The following CHM variants were observed in gnomAD, a reference collection of about 807,000 sequenced individuals.
The protein encoded by CHM is rab proteins geranylgeranyltransferase component A 1.
Under a neutral mutation model 49.0 loss-of-function variants are expected in CHM, and 10 were observed. The ratio of observed to expected loss-of-function variants is 0.20; its 90% CI spans 0.13 to 0.35. The LOEUF (loss-of-function observed/expected upper bound fraction) is 0.35, where lower values mean the gene tolerates loss of function less well. CHM is among the 10% of genes least tolerant of loss of function. CHM has a pLI of 1.00. For missense variants in CHM, 455 were observed against 478.4 expected (o/e 0.95, Z 0.46); for synonymous variants, 184 against 167.5 (o/e 1.10, Z -0.76).
chrX:85,915,104 C>T (rs998258108), intron 8 of CHM, among the ~76,000 whole-genome samples: 3 of 111,242 alleles, frequency 2.7e-5, no homozygotes, highest in Admixed American at 9.6e-5. Context: ...CTCACACAGA[C>T]GAGAAAGAAC....
chrX:85,926,349 A>G (rs1240110782), intron 8 of CHM, among the ~76,000 whole-genome samples: 1 of 111,270 alleles, frequency 9.0e-6, no homozygotes, highest in East Asian at 2.8e-4. Context: ...TGGAAATTCA[A>G]ATGTTCACTG....
rs1382009835 is a variant in CHM, at chrX:85,971,825, ATTAG to A, written c.314+6938_314+6941del. On this transcript the variant is annotated intron_variant, in intron 4 of 14. Transcript: ENST00000357749. ...TAAAGGTTCTCCACATCCCCATCAGATTAGTTAGATACAGAGTATAGATACAAAG... is the reference window on the plus strand; with the variant it reads ...TAAAGGTTCTCCACATCCCCATCAGATTAGATACAGAGTATAGATACAAAG... Among the ~76,000 whole-genome samples the A allele has an allele frequency of 2.7e-5, 3 of 111,192 alleles. No individual in the cohort carries two copies. The Admixed American group carries it at 2.8e-4, about 11-fold the overall frequency.
intron 2 of CHM, among the ~76,000 whole-genome samples, chrX:86,020,816 G>A (rs1193554540): frequency 9.9e-6 from 1 of 101,207 alleles, no homozygotes; most frequent in Non-Finnish European, 2.0e-5. Context: ...AGCAGTAGAT[G>A]CTCTTATATA....
intron 14 of CHM, among the ~76,000 whole-genome samples, chrX:85,871,304 C>CAAAAAAAAAA (rs150005971): frequency 9.7e-5 from 6 of 62,069 alleles, no homozygotes; most frequent in East Asian, 5.6e-4. Context: ...AAGACTGTCT[C>CAAAAAAAAAA]AAAAAAAAAA....
chrX:85,989,927 T>C (rs1932099235), intron 2 of CHM, among the ~76,000 whole-genome samples: 1 of 111,973 alleles, frequency 8.9e-6, no homozygotes, highest in Non-Finnish European at 1.9e-5. Context: ...GAAAGCATTA[T>C]GGCAATTCTT....
intron 1 of CHM, among the ~76,000 whole-genome samples, chrX:86,039,384 T>A (rs2147807840): frequency 9.1e-6 from 1 of 110,418 alleles, no homozygotes; most frequent in Non-Finnish European, 1.9e-5. Flanking sequence ...TAAATAAGAC[T>A]AGTTTAACAA....
intron 12 of CHM, among the ~76,000 whole-genome samples, chrX:85,881,955 A>C: frequency 8.9e-6 from 1 of 112,348 alleles, no homozygotes. Flanking sequence ...AGTTTCAAAA[A>C]AATTCTATTT....
chrX:85,971,263 C>T lies in CHM; in HGVS notation c.315-7211G>A, dbSNP rs1044305352. The T allele has an allele frequency of 6.6e-6, 5 of 753,323 alleles. No homozygotes were observed. In the African/African-American group the frequency reaches 6.9e-5, roughly 10 times the overall value. 62.1% of individuals were successfully genotyped at this position (753,323 alleles called of 1,213,427 possible). A position where few individuals can be genotyped will look rare whatever the true frequency, so the allele number is the denominator to read the frequency against. On this transcript the variant is annotated intron_variant, in intron 4 of 14. Coordinates refer to ENST00000357749, the MANE Select transcript of CHM (RefSeq NM_000390.4). ...AATATTAGAATGCTATCGGTGTGTC[C>T]GGAATTGGTGGGTTCTTGGTCTCAC...
At chrX:85,912,621 A>T (rs996381986) in intron 8 of CHM, among the ~76,000 whole-genome samples, 3 of 111,548 alleles carry the variant, frequency 2.7e-5, no homozygotes, top group African/African-American at 9.8e-5. Flanking sequence ...ATATATTACC[A>T]TATCTGGCAA....
chrX:86,000,269 G>GAAAAAAAAAAAAAAAAAAAAA (rs11299180), intron 2 of CHM, among the ~76,000 whole-genome samples: 1 of 72,664 alleles, frequency 1.4e-5, no homozygotes, highest in Non-Finnish European at 2.7e-5. Flanking sequence ...AAGTCTTCCT[G>GAAAAAAAAAAAAAAAAAAAAA]AAAAAAAAAA....
chrX:85,894,579 A>G (rs753752483), intron 11 of CHM, among the ~76,000 whole-genome samples: 69 of 111,611 alleles, frequency 6.2e-4, no homozygotes, highest in African/African-American at 2.2e-3. Context: ...TCTAAATTCC[A>G]AAATACTCCA....
chrX:85,884,960 G>A (rs1034339131), intron 12 of CHM, among the ~76,000 whole-genome samples: 2 of 110,188 alleles, frequency 1.8e-5, no homozygotes, highest in Non-Finnish European at 3.8e-5. Flanking sequence ...TATATTATAC[G>A]CCACTGTGAC....
intron 2 of CHM, among the ~76,000 whole-genome samples, chrX:85,997,251 C>T (rs1246392495): frequency 9.0e-6 from 1 of 111,114 alleles, no homozygotes; most frequent in African/African-American, 3.3e-5. Context: ...AGTAGTACTC[C>T]CCTTTTGCCT....
chrX:85,972,751 CCCTG>C (rs1330863401), intron 4 of CHM, among the ~76,000 whole-genome samples: 2 of 112,206 alleles, frequency 1.8e-5, no homozygotes, highest in Non-Finnish European at 3.8e-5. Context: ...CTCGACACCT[CCCTG>C]CAAGCTGAGG....
chrX:85,977,975 T>C (rs1239236476), intron 4 of CHM, among the ~76,000 whole-genome samples: 1 of 112,033 alleles, frequency 8.9e-6, no homozygotes, highest in East Asian at 2.8e-4. Context: ...ACAAAGCGTA[T>C]CCTGAAGAAT....
chrX:85,975,849 A>G (rs1931225574), intron 4 of CHM, among the ~76,000 whole-genome samples: 2 of 112,303 alleles, frequency 1.8e-5, no homozygotes, highest in African/African-American at 6.5e-5. Flanking sequence ...TCACTAACAC[A>G]TATGTTTCAA....
chrX:85,995,260 TAAAAAAAAAAAAA>T (rs55742394), intron 2 of CHM, among the ~76,000 whole-genome samples: 50 of 46,811 alleles, frequency 1.1e-3, no homozygotes, highest in African/African-American at 3.7e-3. Context: ...CCTTATTACT[TAAAAAAAAAAAAA>T]AAAAAAAAAA....
At chrX:85,868,077 C>A (rs916424916) in intron 14 of CHM, among the ~76,000 whole-genome samples, 1 of 109,311 alleles carries the variant, frequency 9.1e-6, no homozygotes, top group Non-Finnish European at 1.9e-5. Flanking sequence ...TACTTAAAAT[C>A]TGCTCTCTTG....
At chrX:86,005,505 G>C (rs1231606516) in intron 2 of CHM, among the ~76,000 whole-genome samples, 2 of 111,499 alleles carry the variant, frequency 1.8e-5, no homozygotes, top group African/African-American at 6.5e-5. Context: ...CAACAAAATT[G>C]ATAGAGAGCT....
Sources: gnomAD v4.1 joint callset for allele counts (sites outside exome capture counted in the v4.1 genomes callset) on GRCh38, gnomAD v4.1.1 for gene constraint, MANE v1.5 for transcripts, NCBI Gene and HGNC (gene_info 2026-07-23, HGNC 2026-07-21) for gene names.